The following DNAJC1 variants were observed in gnomAD, a reference collection of about 807,000 sequenced individuals.
The protein encoded by DNAJC1 is dnaJ homolog subfamily C member 1.
DNAJC1 carries 58 observed loss-of-function variants against 76.6 expected under a neutral mutation model. The ratio of observed to expected loss-of-function variants is 0.76; its 90% CI spans 0.61 to 0.94. DNAJC1 has a LOEUF of 0.94. Among genes scored for constraint, DNAJC1 ranks in the 40% least tolerant of loss-of-function variants. The pLI is 0.00. For synonymous variants in DNAJC1, 258 were observed against 267.9 expected (o/e 0.96, Z 0.36); for missense variants, 689 against 677.3 (o/e 1.02, Z -0.19).
At chr10:21,815,713 G>C (rs1402994428) in intron 8 of DNAJC1, among the ~76,000 whole-genome samples, 1 of 151,382 alleles carries the variant, frequency 6.6e-6, no homozygotes, top group Admixed American at 6.6e-5. Flanking sequence ...AGAAATCTTT[G>C]CCTATCTCAA....
chr10:21,817,292 C>T (rs768931018), intron 8 of DNAJC1, among the ~76,000 whole-genome samples: 2 of 151,618 alleles, frequency 1.3e-5, no homozygotes, highest in African/African-American at 2.4e-5. Flanking sequence ...ATGCTCATCA[C>T]AGCAGTTTTT....
chr10:21,771,109 T>A (rs1189661810), intron 9 of DNAJC1, among the ~76,000 whole-genome samples: 1 of 152,222 alleles, frequency 6.6e-6, no homozygotes, highest in Non-Finnish European at 1.5e-5. Flanking sequence ...TGTAAATGTA[T>A]AAAAAATAAA....
At chr10:21,862,345 C>A (rs945189282) in intron 8 of DNAJC1, among the ~76,000 whole-genome samples, 1 of 151,962 alleles carries the variant, frequency 6.6e-6, no homozygotes, top group Non-Finnish European at 1.5e-5. Flanking sequence ...ATAGTAACAC[C>A]TAAATAATAA....
At chr10:21,822,735 C>T (rs1249307875) in intron 8 of DNAJC1, among the ~76,000 whole-genome samples, 1 of 151,842 alleles carries the variant, frequency 6.6e-6, no homozygotes, top group Admixed American at 6.6e-5. Context: ...ACATATCAAG[C>T]CAAATTGCTG....
intron 9 of DNAJC1, among the ~76,000 whole-genome samples, chr10:21,772,384 C>G (rs1455917373): frequency 1.4e-5 from 2 of 140,340 alleles, no homozygotes; most frequent in Non-Finnish European, 3.0e-5. Context: ...TTTTTGATAA[C>G]TAATTCAACC....
intron 9 of DNAJC1, among the ~76,000 whole-genome samples, chr10:21,790,840 GAA>G (rs991372474): frequency 3.9e-5 from 6 of 152,020 alleles, no homozygotes; most frequent in Non-Finnish European, 7.4e-5. Flanking sequence ...AGAAAACAAT[GAA>G]CAAAATGACA....
chr10:21,756,881 C>G lies in DNAJC1; in HGVS notation c.1597-126G>C, dbSNP rs1035156325. On this transcript the variant is annotated intron_variant, in intron 11 of 11. Transcript: ENST00000376980. ...GTCCAGTCCCTCTGCCCAGAGTTCC[C>G]GGGATGTCCTGGAGTCCAGTCGCTC... 3.6e-6 allele frequency: 3 copies of G among 840,114 alleles called. No homozygotes were observed. The South Asian group carries it at 4.6e-5, about 13-fold the overall frequency. The allele number at this position is 840,114 out of a possible 1,614,324, so 52.0% of individuals were successfully genotyped here.
At chr10:21,804,924 C>T (rs997130517) in intron 9 of DNAJC1, among the ~76,000 whole-genome samples, 1 of 152,086 alleles carries the variant, frequency 6.6e-6, no homozygotes, top group Admixed American at 6.6e-5. Context: ...GCTCAAAAAT[C>T]TGCAACTTGA....
chr10:21,965,186 T>A (rs1424547312), intron 1 of DNAJC1, among the ~76,000 whole-genome samples: 1 of 152,220 alleles, frequency 6.6e-6, no homozygotes, highest in Non-Finnish European at 1.5e-5. Flanking sequence ...TATCTCAAGA[T>A]AATTCAAGAT....
At chr10:21,806,208 G>A (rs779485832) in intron 8 of DNAJC1, 109 bp from the exon 9 acceptor site, 18 of 1,182,100 alleles carry the variant, frequency 1.5e-5, no homozygotes, top group Non-Finnish European at 1.8e-5. Flanking sequence ...GCAAATTATT[G>A]GCAATATGCT....
chr10:21,989,038 T>C (rs1209756088), intron 1 of DNAJC1, among the ~76,000 whole-genome samples: 1 of 152,166 alleles, frequency 6.6e-6, no homozygotes, highest in Non-Finnish European at 1.5e-5. Context: ...GAAATGCTAC[T>C]TGACTGTTTT....
chr10:21,816,392 T>C (rs1052819210), intron 8 of DNAJC1, among the ~76,000 whole-genome samples: 1 of 151,664 alleles, frequency 6.6e-6, no homozygotes, highest in African/African-American at 2.4e-5. Context: ...TCCTTTTGGA[T>C]TGCCTTGACA....
chr10:22,002,515 C>A (rs562238565), intron 1 of DNAJC1, among the ~76,000 whole-genome samples: 1 of 152,316 alleles, frequency 6.6e-6, no homozygotes, highest in East Asian at 1.9e-4. Flanking sequence ...TGACCGGGGG[C>A]TTCTCTTCCA....
At chr10:21,844,886 T>C (rs764789410) in intron 8 of DNAJC1, among the ~76,000 whole-genome samples, 82 of 152,274 alleles carry the variant, frequency 5.4e-4, no homozygotes, top group Middle Eastern at 3.4e-3. Context: ...TTTTAAAAAT[T>C]AGGCATGGTG....
At chr10:21,786,471 G>T (rs866146378) in intron 9 of DNAJC1, among the ~76,000 whole-genome samples, 6 of 135,070 alleles carry the variant, frequency 4.4e-5, no homozygotes, top group African/African-American at 1.8e-4. Context: ...TATAGAGAGA[G>T]AGAGAGAGAG....
intron 1 of DNAJC1, among the ~76,000 whole-genome samples, chr10:21,988,477 AT>A (rs1164675458): frequency 6.6e-6 from 1 of 152,144 alleles, no homozygotes; most frequent in Non-Finnish European, 1.5e-5. Context: ...TCTCTTATAA[AT>A]TTGAATTACA....
intron 2 of DNAJC1, 55 bp from the exon 3 acceptor site, chr10:21,928,607 A>G: frequency 6.9e-7 from 1 of 1,446,680 alleles, no homozygotes; most frequent in Non-Finnish European, 9.7e-7. Flanking sequence ...AAGAAATCAC[A>G]TAGGAGGGTG....
intron 8 of DNAJC1, among the ~76,000 whole-genome samples, chr10:21,844,068 A>G (rs997160804): frequency 6.6e-5 from 10 of 152,212 alleles, no homozygotes; most frequent in Admixed American, 2.0e-4. Flanking sequence ...GCCATGTAAG[A>G]TGTGTCTTTG....
At chr10:21,964,973 T>C (rs750583799) in intron 1 of DNAJC1, among the ~76,000 whole-genome samples, 1 of 152,222 alleles carries the variant, frequency 6.6e-6, no homozygotes, top group Admixed American at 6.5e-5. Context: ...ATTTTTATTA[T>C]GTTTCTGTTG....
Sources: allele counts gnomAD v4.1 joint callset (sites outside exome capture counted in the v4.1 genomes callset), GRCh38; gene constraint gnomAD v4.1.1; transcripts MANE v1.5; gene names NCBI Gene and HGNC (gene_info 2026-07-23, HGNC 2026-07-21).